Variants in LRMDA observed in about 807,000 individuals in gnomAD.
The protein encoded by LRMDA is leucine rich melanocyte differentiation associated.
LRMDA carries 18 observed loss-of-function variants against 29.8 expected under a neutral mutation model. That is an observed-to-expected ratio of 0.60 (90% CI 0.42 to 0.90). The LOEUF is 0.90. LRMDA is among the 40% of genes least tolerant of loss of function. The pLI, the probability that LRMDA is intolerant of heterozygous loss-of-function variation, is 0.00. For missense variants in LRMDA, 273 were observed against 273.9 expected (o/e 1.00, Z 0.02); for synonymous variants, 125 against 109.4 (o/e 1.14, Z -0.89).
rs1843594663 is a variant in LRMDA, at chr10:76,559,161, C to T, written c.*1873C>T. 1 of 152,178 alleles carries T rather than the reference C, an allele frequency of 6.6e-6. No individual in the cohort carries two copies. Among genetic ancestry groups the T allele is most frequent in the Admixed American group, 6.5e-5 (1 of 15,280 alleles). 9.4% of individuals were successfully genotyped at this position (152,178 alleles called of 1,614,324 possible). On this transcript the variant is annotated 3_prime_UTR_variant, in exon 7 of 7. Transcript: ENST00000611255. ...TATCCAATCTAGCCACACATATATC[C>T]TTGTCTTTATAAAAGGCTTTAACCC...
chr10:76,324,344 G>A (rs1840807522), intron 5 of LRMDA, 57 bp from the exon 6 acceptor site: 6 of 1,404,406 alleles, frequency 4.3e-6, no homozygotes, highest in Non-Finnish European at 6.1e-6. Context: ...GTAAATGAGG[G>A]TATTTGGTAT....
chr10:75,914,871 G>T (rs981755275), intron 2 of LRMDA, among the ~76,000 whole-genome samples: 5 of 152,160 alleles, frequency 3.3e-5, no homozygotes, highest in African/African-American at 1.2e-4. Flanking sequence ...GACCTCTTGT[G>T]TTGTAACCTA....
At chr10:75,457,648 G>T (rs1405718347) in intron 2 of LRMDA, among the ~76,000 whole-genome samples, 1 of 152,192 alleles carries the variant, frequency 6.6e-6, no homozygotes, top group Non-Finnish European at 1.5e-5. Flanking sequence ...ATTAGGTTAA[G>T]TTTTATTGTC....
chr10:76,114,784 C>T (rs940339684), intron 5 of LRMDA, among the ~76,000 whole-genome samples: 11 of 152,160 alleles, frequency 7.2e-5, no homozygotes, highest in Non-Finnish European at 2.9e-5. Flanking sequence ...TTCCCATAAT[C>T]GTAAGGCGCT....
intron 2 of LRMDA, among the ~76,000 whole-genome samples, chr10:75,682,869 T>C (rs1244632111): frequency 1.3e-5 from 2 of 152,146 alleles, no homozygotes; most frequent in African/African-American, 4.8e-5. Context: ...TAAGAAAAAA[T>C]GGAGCAAATG....
In LRMDA at chr10:75,507,708, A is replaced by G. The variant is rs573356995; in HGVS notation, c.131+69214A>G. Among the ~76,000 whole-genome samples the G allele has an allele frequency of 5.3e-5, 8 of 152,340 alleles. No homozygotes were observed. The East Asian group carries it at 1.3e-3, about 26-fold the overall frequency. ...AAGCAAACTATTAATCACAAACAGA[A>G]TAGCTCTGTAACTTCCAAACAAACA... On this transcript the variant is annotated intron_variant, in intron 2 of 6. Coordinates refer to ENST00000611255, the MANE Select transcript of LRMDA (RefSeq NM_001305581.2).
At chr10:76,160,507 C>G (rs1214396824) in intron 5 of LRMDA, among the ~76,000 whole-genome samples, 1 of 151,168 alleles carries the variant, frequency 6.6e-6, no homozygotes, top group Non-Finnish European at 1.5e-5. Flanking sequence ...GGGATTCATT[C>G]AAAAAAAATT....
chr10:76,200,643 G>C (rs1851408751), intron 5 of LRMDA, among the ~76,000 whole-genome samples: 1 of 151,434 alleles, frequency 6.6e-6, no homozygotes, highest in African/African-American at 2.4e-5. Context: ...CATAAAAATT[G>C]TACTTGATAT....
At chr10:76,397,846 A>T (rs1481675943) in intron 6 of LRMDA, among the ~76,000 whole-genome samples, 1 of 152,248 alleles carries the variant, frequency 6.6e-6, no homozygotes, top group Non-Finnish European at 1.5e-5. Flanking sequence ...GGTGAACAAC[A>T]GAAAAAGAAT....
intron 2 of LRMDA, among the ~76,000 whole-genome samples, chr10:76,028,640 CA>C (rs555970111): frequency 6.6e-6 from 1 of 151,720 alleles, no homozygotes; most frequent in Non-Finnish European, 1.5e-5. Context: ...CAACAAAAAA[CA>C]AAAAAATAAG....
chr10:76,257,991 T>C (rs1462365766), intron 5 of LRMDA, among the ~76,000 whole-genome samples: 1 of 152,234 alleles, frequency 6.6e-6, no homozygotes, highest in Non-Finnish European at 1.5e-5. Flanking sequence ...GAAAACTCCA[T>C]GCTCAAGTAC....
At chr10:75,474,056 G>A (rs377280710) in intron 2 of LRMDA, among the ~76,000 whole-genome samples, 37 of 152,272 alleles carry the variant, frequency 2.4e-4, no homozygotes, top group East Asian at 1.2e-3. Context: ...CTTGCATTGC[G>A]TTCCAAGTAA....
At chr10:75,540,980 T>C (rs188465165) in intron 2 of LRMDA, among the ~76,000 whole-genome samples, 89 of 152,314 alleles carry the variant, frequency 5.8e-4, no homozygotes, top group African/African-American at 1.8e-3. Context: ...TTGTTGTTTT[T>C]TTTTTAAAAA....
chr10:76,528,369 T>C (rs557005010), intron 6 of LRMDA, among the ~76,000 whole-genome samples: 2 of 152,220 alleles, frequency 1.3e-5, no homozygotes, highest in Admixed American at 1.3e-4. Context: ...GATAGGCAAA[T>C]ATTTAAGTAA....
At chr10:75,467,658 C>G (rs1844669678) in intron 2 of LRMDA, among the ~76,000 whole-genome samples, 2 of 151,964 alleles carry the variant, frequency 1.3e-5, no homozygotes, top group Non-Finnish European at 2.9e-5. Flanking sequence ...GGACAGTATA[C>G]CAGACATCAA....
intron 2 of LRMDA, among the ~76,000 whole-genome samples, chr10:75,648,209 AC>A (rs1175768469): frequency 1.3e-5 from 2 of 152,200 alleles, no homozygotes; most frequent in Non-Finnish European, 2.9e-5. Flanking sequence ...GATGAGGATA[AC>A]AAGGCTGAAT....
intron 2 of LRMDA, among the ~76,000 whole-genome samples, chr10:75,593,187 T>A (rs2132085625): frequency 6.6e-6 from 1 of 152,330 alleles, no homozygotes; most frequent in East Asian, 1.9e-4. Flanking sequence ...TTAACCAGTT[T>A]TTACCAACCA....
At chr10:76,068,635 T>C (rs910768359) in intron 5 of LRMDA, among the ~76,000 whole-genome samples, 1 of 152,224 alleles carries the variant, frequency 6.6e-6, no homozygotes, top group Non-Finnish European at 1.5e-5. Flanking sequence ...TCCTGCTGTG[T>C]GGCCTTGTAT....
intron 5 of LRMDA, among the ~76,000 whole-genome samples, chr10:76,189,231 C>T (rs1424889380): frequency 2.0e-5 from 3 of 152,050 alleles, no homozygotes; most frequent in Admixed American, 6.5e-5. Flanking sequence ...GTGGTGTGTG[C>T]CTGTCATCCC....
Sources: allele counts gnomAD v4.1 joint callset (sites outside exome capture counted in the v4.1 genomes callset), GRCh38; gene constraint gnomAD v4.1.1; transcripts MANE v1.5; gene names NCBI Gene and HGNC (gene_info 2026-07-23, HGNC 2026-07-21).